OSBP2: variants seen among roughly 807,000 people sequenced by gnomAD.
OSBP2 encodes the protein oxysterol-binding protein 2.
Under a neutral mutation model 96.0 loss-of-function variants are expected in OSBP2, and 66 were observed. The ratio of observed to expected loss-of-function variants is 0.69; its 90% CI spans 0.56 to 0.84. OSBP2 has a LOEUF of 0.84. OSBP2 is among the 40% of genes least tolerant of loss of function. The pLI is 0.00. For synonymous variants in OSBP2, 525 were observed against 520.9 expected, an observed-to-expected ratio of 1.01 and a Z score of -0.11; for missense variants, 1,038 against 1,222.7, an observed-to-expected ratio of 0.85 and a Z score of 2.25.
chr22:30,779,911 T>C (rs1276855321), intron 2 of OSBP2, among the ~76,000 whole-genome samples: 1 of 152,116 alleles, frequency 6.6e-6, no homozygotes, highest in Non-Finnish European at 1.5e-5. Flanking sequence ...GCCCCTGCCC[T>C]TTGTGTCTCT....
At chr22:30,742,056 G>A (rs748877909) in intron 2 of OSBP2, among the ~76,000 whole-genome samples, 10 of 151,610 alleles carry the variant, frequency 6.6e-5, no homozygotes, top group Non-Finnish European at 1.3e-4. Context: ...CTGACCTCAC[G>A]TGATCCGCCC....
rs186067833 is a variant in OSBP2, at chr22:30,883,690, G to A, written c.1108-3736G>A. ...GGGTGCCCTCAGGGCTAGCTTTGCT[G>A]TCTTGGGATGGGGTGGGAGTCTCTG... On this transcript the variant is annotated intron_variant, in intron 3 of 13. Transcript: ENST00000332585. Among the ~76,000 whole-genome samples the A allele has an allele frequency of 2.5e-3, 381 of 152,314 alleles. 1 individual carries two copies. Among genetic ancestry groups the A allele is most frequent in the Non-Finnish European group, 7.2e-4 (49 of 68,024 alleles).
At chr22:30,767,498 TC>T (rs906963787) in intron 2 of OSBP2, among the ~76,000 whole-genome samples, 2 of 151,636 alleles carry the variant, frequency 1.3e-5, no homozygotes, top group African/African-American at 4.8e-5. Context: ...GGTCATAGCA[TC>T]CCATTTGTTA....
intron 2 of OSBP2, among the ~76,000 whole-genome samples, chr22:30,787,920 T>G (rs1327670347): frequency 6.6e-6 from 1 of 152,098 alleles, no homozygotes; most frequent in Non-Finnish European, 1.5e-5. Flanking sequence ...TGGGTCTTAG[T>G]GACAGACGGT....
chr22:30,783,065 C>CTT (rs567123014), intron 2 of OSBP2, among the ~76,000 whole-genome samples: 2,125 of 104,112 alleles, frequency 0.02, 70 homozygotes, highest in Middle Eastern at 0.044. Context: ...GAACCTGTGG[C>CTT]TTTTTTTTTT....
chr22:30,723,460 C>T (rs1346189674), intron 1 of OSBP2, among the ~76,000 whole-genome samples: 3 of 151,820 alleles, frequency 2.0e-5, no homozygotes, highest in Non-Finnish European at 2.9e-5. Context: ...GTTGCCTAGG[C>T]TGGAGTGCAG....
intron 12 of OSBP2, among the ~76,000 whole-genome samples, chr22:30,900,318 C>T (rs1224341142): frequency 6.6e-6 from 1 of 150,914 alleles, no homozygotes; most frequent in African/African-American, 2.4e-5. Context: ...TAATATAATC[C>T]AGACCTCTAT....
intron 2 of OSBP2, among the ~76,000 whole-genome samples, chr22:30,758,628 C>T (rs560227976): frequency 4.6e-5 from 7 of 152,114 alleles, no homozygotes; most frequent in Admixed American, 3.9e-4. Flanking sequence ...AGTTCAGGCT[C>T]AAGGAGGAAA....
At chr22:30,801,789 C>G (rs943202522) in intron 2 of OSBP2, among the ~76,000 whole-genome samples, 1 of 152,052 alleles carries the variant, frequency 6.6e-6, no homozygotes, top group Admixed American at 6.6e-5. Flanking sequence ...GCTTGGACAA[C>G]ACAGCAAGAC....
rs541507557 is a variant in OSBP2 at position 30,870,496 on chromosome 22, G to A, written c.921G>A (p.Lys307=). ...ADKSELHHTL[K]NLSLKLDDLS... ...AGAGCGAGCTGCACCACACCCTGAAGAATCTTTCCCTGAAGTTAGATGACC... is the reference window on the plus strand; with the variant it reads ...AGAGCGAGCTGCACCACACCCTGAAAAATCTTTCCCTGAAGTTAGATGACC... The change falls in exon 3 of 14, where the codon AAG becomes AAA. Residue 307 remains lysine, a synonymous_variant. Transcript: ENST00000332585. This position sits in a 1 kb window ranked among gnomAD's most constrained non-coding sequence, Gnocchi z 4.1. 3 of 1,614,074 alleles carry A rather than the reference G, an allele frequency of 1.9e-6. No individual in the cohort carries two copies. In the African/African-American group the frequency reaches 4.0e-5, roughly 22 times the overall value.
intron 2 of OSBP2, among the ~76,000 whole-genome samples, chr22:30,742,579 TA>T (rs2089954050): frequency 6.6e-6 from 1 of 152,202 alleles, no homozygotes; most frequent in African/African-American, 2.4e-5. Flanking sequence ...AATAGGTACT[TA>T]TTTCAAAATA....
chr22:30,802,533 G>T (rs2090864609), intron 2 of OSBP2, among the ~76,000 whole-genome samples: 1 of 152,250 alleles, frequency 6.6e-6, no homozygotes, highest in East Asian at 1.9e-4. Flanking sequence ...ATTGGGGCGC[G>T]ATAGCGCCCT....
chr22:30,772,423 T>C (rs1390146754), intron 2 of OSBP2, among the ~76,000 whole-genome samples: 1 of 152,220 alleles, frequency 6.6e-6, no homozygotes, highest in African/African-American at 2.4e-5. Flanking sequence ...CTTGTCTCTG[T>C]TAAGCACCAG....
At chr22:30,862,962 CA>C (rs5844927) in intron 2 of OSBP2, among the ~76,000 whole-genome samples, 101,582 of 139,678 alleles carry the variant, frequency 0.73, 36,165 homozygotes, top group East Asian at 0.91. Context: ...GACTCTGTCT[CA>C]AAAAAAAAAA....
intron 1 of OSBP2, among the ~76,000 whole-genome samples, chr22:30,713,606 G>A (rs1191091019): frequency 6.6e-6 from 1 of 151,958 alleles, no homozygotes; most frequent in Non-Finnish European, 1.5e-5. Context: ...GACTACAGAT[G>A]CACACCACTA....
chr22:30,874,753 C>T (rs1315128089), intron 3 of OSBP2, among the ~76,000 whole-genome samples: 1 of 152,254 alleles, frequency 6.6e-6, no homozygotes, highest in African/African-American at 2.4e-5. Context: ...ACGCCTTTAC[C>T]AGTGCTGTAC....
chr22:30,837,810 G>T (rs979834239), intron 2 of OSBP2, among the ~76,000 whole-genome samples: 1 of 152,178 alleles, frequency 6.6e-6, no homozygotes, highest in African/African-American at 2.4e-5. Flanking sequence ...CATTGTCTTG[G>T]TTGCTTCCTT....
chr22:30,893,223 C>T lies in OSBP2; in HGVS notation c.1971C>T (p.Tyr657=), dbSNP rs1174603182. Residue 657 remains tyrosine, a synonymous_variant, in exon 9 of 14, where the codon TAC becomes TAT. Coordinates refer to ENST00000332585, the MANE Select transcript of OSBP2 (RefSeq NM_030758.4). ...TCTCCAGCAAGTTCCGGGGAAAATA[C>T]ATCTCCATCATGCCGCTAGGTGAGC... ...ITISSKFRGK[Y]ISIMPLGAIH... The T allele has an allele frequency of 6.2e-7, 1 of 1,614,152 alleles. No homozygotes were observed. The highest frequency in any genetic ancestry group is 1.3e-5 in the African/African-American group (1 of 75,058).
chr22:30,694,090 C>A (rs572759413), upstream of OSBP2: 13 of 1,550,300 alleles, frequency 8.4e-6, no homozygotes, highest in South Asian at 9.5e-5. Flanking sequence ...TCTGCGGAAG[C>A]CTCACAGACT....
Sources: allele counts gnomAD v4.1 joint callset (sites outside exome capture counted in the v4.1 genomes callset), GRCh38; gene constraint gnomAD v4.1.1; non-coding constraint Gnocchi (gnomAD v3.1); transcripts MANE v1.5; gene names NCBI Gene and HGNC (gene_info 2026-07-23, HGNC 2026-07-21).